Variants in PREX1 observed in about 807,000 individuals in gnomAD.
PREX1 encodes the protein phosphatidylinositol-3,4,5-trisphosphate dependent Rac exchange factor 1.
PREX1 carries 41 observed loss-of-function variants against 198.3 expected under a neutral mutation model. The observed-to-expected ratio is 0.21, with a 90% CI of 0.16 to 0.27. The LOEUF is 0.27. Among genes scored for constraint, PREX1 ranks in the 10% least tolerant of loss-of-function variants. The pLI is 1.00. For synonymous variants in PREX1, 843 were observed against 887.2 expected (o/e 0.95, Z 0.89); for missense variants, 1,620 against 2,200.7 (o/e 0.74, Z 5.28).
At chr20:48,636,723 C>T (rs1271033283) in intron 31 of PREX1, 40 bp from the exon 32 acceptor site, 1 of 1,528,530 alleles carries the variant, frequency 6.5e-7, no homozygotes, top group South Asian at 1.2e-5. Flanking sequence ...GAGGGGCGCT[C>T]CCGTGCCACC....
At chr20:48,711,255 T>C (rs558868774) in intron 5 of PREX1, among the ~76,000 whole-genome samples, 3 of 152,282 alleles carry the variant, frequency 2.0e-5, no homozygotes, top group Admixed American at 2.0e-4. Flanking sequence ...TGTACACAGA[T>C]GACGGCAGAC....
At chr20:48,627,777 C>A in intron 38 of PREX1, 84 bp downstream of exon 38, 1 of 1,437,826 alleles carries the variant, frequency 7.0e-7, no homozygotes, top group Non-Finnish European at 9.5e-7. Flanking sequence ...CTGGTGGCTA[C>A]CAGCCCCTCA....
In PREX1 at chr20:48,800,683, A is replaced by G. The variant is rs377204874; in HGVS notation, c.219+26959T>C. ...TCTCAGATGGCAAAAGCAGCCAGCT[A>G]TCCATGTACTGAGCCTCTCGGGCAG... On this transcript the variant is annotated intron_variant, in intron 1 of 39. Transcript: ENST00000371941. 5.3e-5 allele frequency among the ~76,000 whole-genome samples: 8 copies of G among 152,208 alleles called. No individual in the cohort carries two copies. The East Asian group carries it at 1.5e-3, about 29-fold the overall frequency.
intron 6 of PREX1, among the ~76,000 whole-genome samples, chr20:48,703,515 G>A (rs58820575): frequency 0.011 from 1,616 of 152,286 alleles, 32 homozygotes; most frequent in African/African-American, 0.037. Context: ...TGGCCCATGC[G>A]CAGCACACGG....
the PREX1 span, among the ~76,000 whole-genome samples, chr20:48,874,846 C>T: frequency 2.0e-5 from 3 of 151,384 alleles, no homozygotes; most frequent in African/African-American, 7.3e-5. Context: ...CACTGCACTC[C>T]ACCCTGGGCA....
chr20:48,675,859 A>G (rs1209203632), intron 14 of PREX1, among the ~76,000 whole-genome samples: 1 of 152,158 alleles, frequency 6.6e-6, no homozygotes, highest in East Asian at 1.9e-4. Context: ...CAACACAGTG[A>G]AACCCCGACT....
In PREX1 at chr20:48,651,682, A is replaced by G. The variant is rs111309891; in HGVS notation, c.2468-99T>C. On this transcript the variant is annotated intron_variant, in intron 21 of 39. Coordinates refer to ENST00000371941, the MANE Select transcript of PREX1 (RefSeq NM_020820.4). ...AGGAAGCCTTCCAGGCAGTGGGAAC[A>G]GCAAGTGCAAAGGCCCCAGGGCAGG... 17 of 1,206,548 alleles carry G rather than the reference A, an allele frequency of 1.4e-5. No individual in the cohort carries two copies. The African/African-American group carries it at 1.8e-4, about 13-fold the overall frequency. 74.7% of individuals were successfully genotyped at this position (1,206,548 alleles called of 1,614,324 possible).
At chr20:48,630,613 G>A in intron 36 of PREX1, 115 bp downstream of exon 36, 1 of 875,990 alleles carries the variant, frequency 1.1e-6, no homozygotes. Flanking sequence ...AGGGTCTCAA[G>A]GGCTTTGGGG....
intron 1 of PREX1, among the ~76,000 whole-genome samples, chr20:48,760,343 T>C (rs767305890): frequency 1.3e-5 from 2 of 151,994 alleles, no homozygotes; most frequent in East Asian, 3.8e-4. Context: ...AATAGCTCTA[T>C]TATTATAGAC....
chr20:48,763,704 A>G (rs2090195119), intron 1 of PREX1, among the ~76,000 whole-genome samples: 1 of 152,206 alleles, frequency 6.6e-6, no homozygotes, highest in Non-Finnish European at 1.5e-5. Context: ...AAATAGTGGC[A>G]TTCAGGGCCC....
chr20:48,792,270 A>G (rs1050109952), intron 1 of PREX1, among the ~76,000 whole-genome samples: 4 of 152,082 alleles, frequency 2.6e-5, no homozygotes, highest in African/African-American at 9.7e-5. Flanking sequence ...CAGGAGTTCG[A>G]GACCAGCCTG....
chr20:48,877,226 G>A, the PREX1 span, among the ~76,000 whole-genome samples: 4 of 151,322 alleles, frequency 2.6e-5, no homozygotes, highest in African/African-American at 7.3e-5. Flanking sequence ...AGCCAAGATC[G>A]TGCCATTGCA....
In PREX1 at chr20:48,737,463, G is replaced by A. The variant is rs1810653353; in HGVS notation, c.415-2813C>T. On this transcript the variant is annotated intron_variant, in intron 3 of 39. Coordinates refer to ENST00000371941, the MANE Select transcript of PREX1 (RefSeq NM_020820.4). ...GAGGTCACTGCTGTGATGTCAATGG[G>A]GTCAGCGGCCACTGGCAGAGAGCAG... is the stretch of plus-strand genomic sequence containing the variant. Among the ~76,000 whole-genome samples the A allele has an allele frequency of 2.0e-5, 3 of 152,060 alleles. No individual in the cohort carries two copies. In the South Asian group the frequency reaches 6.2e-4, roughly 32 times the overall value.
intron 30 of PREX1, among the ~76,000 whole-genome samples, chr20:48,638,456 G>C (rs540952434): frequency 1.0e-3 from 153 of 152,316 alleles, no homozygotes; most frequent in Non-Finnish European, 1.7e-3. Context: ...CCAACATCCT[G>C]TTCTCTTTCC....
chr20:48,738,588 G>A (rs1488734906), intron 3 of PREX1, among the ~76,000 whole-genome samples: 1 of 152,290 alleles, frequency 6.6e-6, no homozygotes, highest in South Asian at 2.1e-4. Flanking sequence ...CTGGAGGCCC[G>A]ACATGGGGCT....
Position 48,666,793 on chromosome 20 carries a change from G to A in PREX1, c.1666-438C>T, listed in dbSNP as rs899681733. 1.5e-4 allele frequency among the ~76,000 whole-genome samples: 23 copies of A among 152,250 alleles called. No homozygotes were observed. The highest frequency in any genetic ancestry group is 6.5e-4 in the Admixed American group (10 of 15,302). On this transcript the variant is annotated intron_variant, in intron 14 of 39. Coordinates refer to ENST00000371941, the MANE Select transcript of PREX1 (RefSeq NM_020820.4). This position sits in a 1 kb window ranked among gnomAD's most constrained non-coding sequence, Gnocchi z 4.3. The stretch of plus-strand genomic sequence containing the variant: ...GTCCGTCTTGGCCTCCCAAAGTGCT[G>A]GAATTACAGGCATGAGCCACCACGC...
intron 5 of PREX1, among the ~76,000 whole-genome samples, chr20:48,724,611 G>A (rs1025321046): frequency 1.3e-5 from 2 of 152,126 alleles, no homozygotes; most frequent in South Asian, 2.1e-4. Context: ...TTGCTTGTTC[G>A]TTTAACAAAG....
intron 5 of PREX1, among the ~76,000 whole-genome samples, chr20:48,721,957 G>A (rs1359566463): frequency 6.6e-6 from 1 of 152,136 alleles, no homozygotes; most frequent in Admixed American, 6.5e-5. Context: ...CTGCTGAGCT[G>A]GGGATGGAGG....
the PREX1 span, among the ~76,000 whole-genome samples, chr20:48,859,908 C>CT: frequency 1.3e-5 from 2 of 152,152 alleles, no homozygotes; most frequent in African/African-American, 4.8e-5. Flanking sequence ...ATCCCAGCTA[C>CT]TTAAGAGGCT....
Sources: allele counts gnomAD v4.1 joint callset (sites outside exome capture counted in the v4.1 genomes callset), GRCh38; gene constraint gnomAD v4.1.1; non-coding constraint Gnocchi (gnomAD v3.1); transcripts MANE v1.5; gene names NCBI Gene and HGNC (gene_info 2026-07-23, HGNC 2026-07-21).